The following CACNB1 variants were observed in gnomAD, a reference collection of about 807,000 sequenced individuals.
CACNB1 encodes voltage-dependent L-type calcium channel subunit beta-1.
In CACNB1, 29 loss-of-function variants were observed where a neutral mutation model predicts 71.6. The ratio of observed to expected loss-of-function variants is 0.40; its 90% CI spans 0.30 to 0.55. The LOEUF (loss-of-function observed/expected upper bound fraction) is 0.55. Ranked by LOEUF, CACNB1 falls within the 20% of genes least tolerant of loss-of-function variation. The pLI is 0.38. For missense variants in CACNB1, 623 were observed against 801.8 expected, an observed-to-expected ratio of 0.78 and a Z score of 2.69; for synonymous variants, 300 against 319.6, an observed-to-expected ratio of 0.94 and a Z score of 0.65.
chr17:39,187,249 C>T (rs2045963806), intron 4 of CACNB1: 1 of 614,198 alleles, frequency 1.6e-6, no homozygotes, highest in Admixed American at 2.9e-5. Flanking sequence ...GGCACACCGC[C>T]ATGCCAGTTC....
chr17:39,177,953 C>T, intron 12 of CACNB1, 31 bp downstream of exon 12: 1 of 1,538,164 alleles, frequency 6.5e-7, no homozygotes, highest in South Asian at 1.1e-5. Flanking sequence ...TGTTCTCCCT[C>T]CATTCCCTTC....
chr17:39,184,274 C>G lies in CACNB1; in HGVS notation c.788+51G>C, dbSNP rs373015201. The G allele has an allele frequency of 9.9e-5, 134 of 1,354,360 alleles. 1 individual carries two copies. The African/African-American group carries it at 1.8e-3, about 18-fold the overall frequency. The allele number at this position is 1,354,360 out of a possible 1,614,324, so 83.9% of individuals were successfully genotyped here. A position where few individuals can be genotyped will look rare whatever the true frequency, so the allele number is the denominator to read the frequency against. On this transcript the variant is annotated intron_variant, in intron 9 of 13. Transcript: ENST00000394303. ...GTGATTCGAGGCATCCTGCCCATCC[C>G]CAGCAGCAGAGAGCAACGGCAGGTG... is the stretch of plus-strand genomic sequence containing the variant.
chr17:39,183,355 G>T (rs368677385), intron 11 of CACNB1, among the ~76,000 whole-genome samples: 2 of 137,158 alleles, frequency 1.5e-5, no homozygotes, highest in Non-Finnish European at 3.4e-5. Context: ...AGAAGAAGAA[G>T]AAGAAGAAGA....
In CACNB1 at chr17:39,186,623, G is replaced by A. The variant is rs778238054; in HGVS notation, c.552-51C>T. The A allele has an allele frequency of 1.9e-6, 3 of 1,553,794 alleles. No individual in the cohort carries two copies. Among genetic ancestry groups the A allele is most frequent in the Non-Finnish European group, 2.7e-6 (3 of 1,128,954 alleles). On this transcript the variant is annotated intron_variant, in intron 5 of 13. Coordinates refer to ENST00000394303, the MANE Select transcript of CACNB1 (RefSeq NM_000723.5). This position sits in a 1 kb window ranked among gnomAD's most constrained non-coding sequence, Gnocchi z 4.1. ...TTGTGAGCAAAGAGGTGGGCGTGGG[G>A]GGCTCTCATCCTCTCACATGCGGCA... is the stretch of plus-strand genomic sequence containing the variant.
chr17:39,175,567 G>A lies in CACNB1; in HGVS notation c.1423C>T (p.Pro475Ser), dbSNP rs2045557554. Reference protein sequence around the residue: ...MHEYPGELGQPPGLYPSSHPP... With the variant: ...MHEYPGELGQSPGLYPSSHPP... ...TGGCTGCTGGGGTAAAGGCCTGGGG[G>A]CTGGCCCAGCTCCCCTGGGTACTCG... Residue 475 changes from proline to serine, a missense_variant, in exon 14 of 14, where the codon CCC (proline) becomes TCC (serine). Coordinates refer to ENST00000394303, the MANE Select transcript of CACNB1 (RefSeq NM_000723.5). This position sits in a 1 kb window ranked among gnomAD's most constrained non-coding sequence, Gnocchi z 4.7. 1 of 1,612,922 alleles carries A rather than the reference G, an allele frequency of 6.2e-7. No homozygotes were observed. Among genetic ancestry groups the A allele is most frequent in the Non-Finnish European group, 8.5e-7 (1 of 1,179,528 alleles).
Position 39,186,375 on chromosome 17 carries a change from T to G in CACNB1, c.628+121A>C. The G allele has an allele frequency of 1.4e-6, 1 of 723,252 alleles. No individual in the cohort carries two copies. The highest frequency in any genetic ancestry group is 2.3e-6 in the Non-Finnish European group (1 of 429,498). 44.8% of individuals were successfully genotyped at this position (723,252 alleles called of 1,614,324 possible). On this transcript the variant is annotated intron_variant, in intron 6 of 13. Transcript: ENST00000394303. The surrounding 1 kb of genome is among the most constrained non-coding windows in gnomAD (Gnocchi z 4.1). ...TCTTCATGGAGGGGGAACCACTGCA[T>G]GTGCTTGGGGGACTCAGGATTGGGG...
intron 8 of CACNB1, 74 bp downstream of exon 8, chr17:39,184,710 T>C: frequency 9.1e-7 from 1 of 1,095,456 alleles, no homozygotes; most frequent in Non-Finnish European, 1.4e-6. Flanking sequence ...ATCGGGCCCT[T>C]CTAGGGGATC....
intron 11 of CACNB1, among the ~76,000 whole-genome samples, chr17:39,181,075 C>A (rs1359314801): frequency 6.6e-6 from 1 of 151,884 alleles, no homozygotes; most frequent in African/African-American, 2.4e-5. Flanking sequence ...TCTGGGATAC[C>A]AAGCGTTTAT....
At chr17:39,189,993 T>A (rs2046034313) in intron 3 of CACNB1, among the ~76,000 whole-genome samples, 1 of 151,692 alleles carries the variant, frequency 6.6e-6, no homozygotes, top group Non-Finnish European at 1.5e-5. Context: ...CGGGCGCCTA[T>A]AATCCCAGCT....
At chr17:39,176,349 G>A (rs2045577855) in intron 13 of CACNB1, among the ~76,000 whole-genome samples, 1 of 152,154 alleles carries the variant, frequency 6.6e-6, no homozygotes, top group Non-Finnish European at 1.5e-5. Flanking sequence ...TCCCTCCCCT[G>A]CCATGTCAAG....
rs1597703751 is a variant in CACNB1 at position 39,186,146 on chromosome 17, T to G, written c.628+350A>C. The G allele has an allele frequency of 6.4e-7, 1 of 1,572,794 alleles. No individual in the cohort carries two copies. Among genetic ancestry groups the G allele is most frequent in the African/African-American group, 1.4e-5 (1 of 73,294 alleles). The stretch of plus-strand genomic sequence containing the variant: ...GGAGAGAGGGAGGAGGGAGGCGAGG[T>G]GGGGAGAAGGAGTGAGATGAACGTG... On this transcript the variant is annotated intron_variant, in intron 6 of 13. Coordinates refer to ENST00000394303, the MANE Select transcript of CACNB1 (RefSeq NM_000723.5). The surrounding 1 kb of genome is among the most constrained non-coding windows in gnomAD (Gnocchi z 4.1).
At chr17:39,190,459 G>A (rs755892598) in intron 3 of CACNB1, among the ~76,000 whole-genome samples, 10 of 151,890 alleles carry the variant, frequency 6.6e-5, no homozygotes, top group Non-Finnish European at 1.0e-4. Context: ...ACAGAGTCTC[G>A]CTCTGTCACC....
chr17:39,185,563 C>CCG lies in CACNB1; in HGVS notation c.629-414_629-413insCG, dbSNP rs386386038. ...CTTGCTTTGCAGCCAGCAGCCCCCC[C>CCG]CCACTATGTGCCCACCCAGAGAGTC... is the stretch of plus-strand genomic sequence containing the variant. On this transcript the variant is annotated intron_variant, in intron 6 of 13. Coordinates refer to ENST00000394303, the MANE Select transcript of CACNB1 (RefSeq NM_000723.5). Among the ~76,000 whole-genome samples, 15 of 152,024 alleles carry CCG rather than the reference C, an allele frequency of 9.9e-5. 1 individual carries two copies. Among genetic ancestry groups the CCG allele is most frequent in the African/African-American group, 3.6e-4 (15 of 41,366 alleles).
chr17:39,195,195 G>C (rs944297646), intron 1 of CACNB1: 10 of 466,170 alleles, frequency 2.1e-5, no homozygotes, highest in Non-Finnish European at 3.8e-5. Flanking sequence ...CAGTGCAAGA[G>C]AGCCCCAGAA....
In CACNB1 at chr17:39,194,525, A is replaced by G. The variant is rs2046161569; in HGVS notation, c.171+359T>C. Among the ~76,000 whole-genome samples the G allele has an allele frequency of 6.6e-6, 1 of 151,962 alleles. No homozygotes were observed. The highest frequency in any genetic ancestry group is 2.1e-4 in the South Asian group (1 of 4,814). On this transcript the variant is annotated intron_variant, in intron 2 of 13. Coordinates refer to ENST00000394303, the MANE Select transcript of CACNB1 (RefSeq NM_000723.5). The surrounding 1 kb of genome is among the most constrained non-coding windows in gnomAD (Gnocchi z 4.6). ...GGACCTGCCTCCACCCAACCCTGTC[A>G]CAGATTCTGGGGGAGGACATGGAAG...
In CACNB1 at chr17:39,175,700, G is replaced by T; in HGVS notation, c.1333-43C>A. 1 of 1,441,552 alleles carries T rather than the reference G, an allele frequency of 6.9e-7. No homozygotes were observed. The highest frequency in any genetic ancestry group is 9.4e-7 in the Non-Finnish European group (1 of 1,065,266). 89.3% of individuals were successfully genotyped at this position (1,441,552 alleles called of 1,614,324 possible). A position where few individuals can be genotyped will look rare whatever the true frequency, so the allele number is the denominator to read the frequency against. ...AGCACACACCATGCAGATCAGGCAG[G>T]GGTGAGAAAAACACAACAAAGCAAG... On this transcript the variant is annotated intron_variant, in intron 13 of 13. Coordinates refer to ENST00000394303, the MANE Select transcript of CACNB1 (RefSeq NM_000723.5). This position sits in a 1 kb window ranked among gnomAD's most constrained non-coding sequence, Gnocchi z 4.7.
intron 3 of CACNB1, among the ~76,000 whole-genome samples, chr17:39,188,202 G>C (rs367579194): frequency 6.6e-6 from 1 of 151,990 alleles, no homozygotes; most frequent in Non-Finnish European, 1.5e-5. Context: ...AGAATCATTT[G>C]AATTCAGGAG....
chr17:39,175,516 G>A lies in CACNB1; in HGVS notation c.1474C>T (p.Arg492Trp), dbSNP rs2045555604. The change falls in exon 14 of 14, where the codon CGG (arginine) becomes TGG (tryptophan). Residue 492 changes from arginine (R) to tryptophan (W), a missense_variant. Physicochemically the swap from Arg to Trp is moderately radical, Grantham distance 101 (BLOSUM62 -3). Transcript: ENST00000394303. The surrounding 1 kb of genome is among the most constrained non-coding windows in gnomAD (Gnocchi z 4.7). ...AAAGTGTCTTGGCGGGACAGTGCCC[G>A]TAGCGTGCCTGCCCGGCCTGGTGGG... ...SHPPGRAGTL[R>W]ALSRQDTFDA... is the part of the protein sequence containing the mutation. 1 of 1,613,928 alleles carries A rather than the reference G, an allele frequency of 6.2e-7. No homozygotes were observed. Among genetic ancestry groups the A allele is most frequent in the Non-Finnish European group, 8.5e-7 (1 of 1,180,028 alleles).
At chr17:39,183,435 C>G (rs1173790711) in intron 11 of CACNB1, among the ~76,000 whole-genome samples, 1 of 152,080 alleles carries the variant, frequency 6.6e-6, no homozygotes, top group East Asian at 1.9e-4. Context: ...TCTTTCAGTC[C>G]AAGGGTGGGA....
Sources: gnomAD v4.1 joint callset for allele counts (sites outside exome capture counted in the v4.1 genomes callset) on GRCh38, gnomAD v4.1.1 for gene constraint, Gnocchi (gnomAD v3.1) non-coding constraint, MANE v1.5 for transcripts, NCBI Gene and HGNC (gene_info 2026-07-23, HGNC 2026-07-21) for gene names.